Variants in DCLK1 observed in about 807,000 individuals in gnomAD.
The protein encoded by DCLK1 is doublecortin like kinase 1, also known as serine/threonine-protein kinase DCLK1.
A neutral mutation model predicts 86.2 loss-of-function variants in DCLK1; 16 were observed. That is an observed-to-expected ratio of 0.19 (90% CI 0.13 to 0.28). DCLK1 has a LOEUF of 0.28. Among genes scored for constraint, DCLK1 ranks in the 10% least tolerant of loss-of-function variants. The probability of loss-of-function intolerance (pLI) is 1.00; values close to 1 mark genes in which losing one functional copy is unlikely to be tolerated. For synonymous variants in DCLK1, 369 were observed against 370.5 expected, an observed-to-expected ratio of 1.00 and a Z score of 0.05; for missense variants, 590 against 940.2, an observed-to-expected ratio of 0.63 and a Z score of 4.87.
intron 4 of DCLK1, among the ~76,000 whole-genome samples, chr13:35,926,631 A>G (rs1315080633): frequency 6.6e-6 from 1 of 152,248 alleles, no homozygotes; most frequent in Non-Finnish European, 1.5e-5. Context: ...GCTCCATTTT[A>G]ATCAAGAGAT....
chr13:35,801,678 G>A (rs532068222), intron 15 of DCLK1, among the ~76,000 whole-genome samples: 1 of 152,220 alleles, frequency 6.6e-6, no homozygotes, highest in Non-Finnish European at 1.5e-5. Context: ...GTAAAACTGT[G>A]CACAAAACCA....
chr13:35,902,563 T>A (rs1874433297), intron 4 of DCLK1, among the ~76,000 whole-genome samples: 2 of 152,142 alleles, frequency 1.3e-5, no homozygotes, highest in Non-Finnish European at 2.9e-5. Flanking sequence ...AGGGTAGGCA[T>A]CAGGAATGAT....
At chr13:36,007,653 A>T (rs887429931) in intron 3 of DCLK1, among the ~76,000 whole-genome samples, 5 of 152,218 alleles carry the variant, frequency 3.3e-5, no homozygotes, top group Admixed American at 3.3e-4. Context: ...CCCTAAAATA[A>T]TATTTCCTTT....
At chr13:35,904,767 A>C (rs1053784906) in intron 4 of DCLK1, among the ~76,000 whole-genome samples, 1 of 152,204 alleles carries the variant, frequency 6.6e-6, no homozygotes. Flanking sequence ...AATTAGTCTC[A>C]ATGCTTTGCT....
chr13:35,815,028 T>G (rs2087237761), intron 11 of DCLK1, among the ~76,000 whole-genome samples: 1 of 152,182 alleles, frequency 6.6e-6, no homozygotes, highest in Admixed American at 6.5e-5. Flanking sequence ...AGGTTCCAAT[T>G]AAAACCTGAA....
chr13:35,789,114 C>G (rs982117511), intron 16 of DCLK1, among the ~76,000 whole-genome samples: 9 of 152,234 alleles, frequency 5.9e-5, no homozygotes, highest in Middle Eastern at 3.4e-3. Flanking sequence ...TTCAATCCCC[C>G]AAACCTGAAG....
chr13:36,077,054 T>C (rs532557609), intron 3 of DCLK1, among the ~76,000 whole-genome samples: 5 of 152,140 alleles, frequency 3.3e-5, no homozygotes, highest in Admixed American at 1.3e-4. Flanking sequence ...GGTAGAAGAA[T>C]AGAGAAAGCT....
intron 3 of DCLK1, among the ~76,000 whole-genome samples, chr13:35,954,410 T>G (rs1877867718): frequency 6.6e-6 from 1 of 152,160 alleles, no homozygotes; most frequent in East Asian, 1.9e-4. Flanking sequence ...TGGCTTCTTC[T>G]CTCCATTCTT....
At chr13:36,045,587 C>T (rs1298705257) in intron 3 of DCLK1, among the ~76,000 whole-genome samples, 1 of 151,728 alleles carries the variant, frequency 6.6e-6, no homozygotes, top group Non-Finnish European at 1.5e-5. Context: ...TGTGGTGGCT[C>T]ACGCCTATAA....
chr13:35,879,706 A>G (rs574713280), intron 4 of DCLK1, among the ~76,000 whole-genome samples: 2 of 152,286 alleles, frequency 1.3e-5, no homozygotes, highest in East Asian at 3.9e-4. Context: ...AAGCAGAAAA[A>G]GAGGAAGGTT....
At chr13:36,107,335 A>ATTTTTTTTTTTTTTTT (rs10670428) in intron 3 of DCLK1, among the ~76,000 whole-genome samples, 1 of 110,308 alleles carries the variant, frequency 9.1e-6, no homozygotes, top group African/African-American at 3.7e-5. Flanking sequence ...GCAGTGGTAG[A>ATTTTTTTTTTTTTTTT]TTTTTTTTTT....
intron 3 of DCLK1, among the ~76,000 whole-genome samples, chr13:36,034,092 C>G (rs1402911877): frequency 6.6e-6 from 1 of 152,048 alleles, no homozygotes; most frequent in Non-Finnish European, 1.5e-5. Context: ...TGGCCAGTAG[C>G]GAACTGGGTA....
intron 3 of DCLK1, among the ~76,000 whole-genome samples, chr13:36,014,145 G>C (rs1841134654): frequency 1.3e-5 from 2 of 152,182 alleles, no homozygotes. Context: ...TACCTCAGAT[G>C]GAAATGCAGA....
At chr13:36,015,025 TCTC>T (rs1881485254) in intron 3 of DCLK1, among the ~76,000 whole-genome samples, 1 of 150,924 alleles carries the variant, frequency 6.6e-6, no homozygotes, top group African/African-American at 2.4e-5. Context: ...TCTCTCTCTC[TCTC>T]TCCCTATCCG....
chr13:36,055,455 G>A (rs1173314655), intron 3 of DCLK1, among the ~76,000 whole-genome samples: 1 of 152,134 alleles, frequency 6.6e-6, no homozygotes, highest in Non-Finnish European at 1.5e-5. Context: ...AATAAACAGG[G>A]AGTGAACTCA....
At chr13:35,775,938 G>A (rs1413552436) in intron 16 of DCLK1, among the ~76,000 whole-genome samples, 1 of 152,190 alleles carries the variant, frequency 6.6e-6, no homozygotes, top group East Asian at 1.9e-4. Flanking sequence ...AAGAGAGGCA[G>A]TGTGTAGAAC....
intron 3 of DCLK1, among the ~76,000 whole-genome samples, chr13:36,091,294 A>G (rs1297697705): frequency 1.3e-5 from 2 of 152,206 alleles, no homozygotes; most frequent in East Asian, 3.9e-4. Flanking sequence ...GCAGCAAACC[A>G]TGATGGCACA....
chr13:36,086,452 C>CTT (rs66864823), intron 3 of DCLK1, among the ~76,000 whole-genome samples: 2,394 of 141,070 alleles, frequency 0.017, 53 homozygotes, highest in African/African-American at 0.052. Flanking sequence ...TCCTCAACAG[C>CTT]TTTTTTTTTT....
intron 14 of DCLK1, 62 bp from the exon 15 acceptor site, chr13:35,805,841 A>C (rs1232594028): frequency 4.1e-6 from 6 of 1,461,656 alleles, no homozygotes; most frequent in African/African-American, 1.4e-5. Flanking sequence ...GTATGTGTGC[A>C]AATGCAAGAG....
Sources: gnomAD v4.1 joint callset for allele counts (sites outside exome capture counted in the v4.1 genomes callset) on GRCh38, gnomAD v4.1.1 for gene constraint, MANE v1.5 for transcripts, NCBI Gene and HGNC (gene_info 2026-07-23, HGNC 2026-07-21) for gene names.